Variants in KIF20B observed in about 807,000 individuals in gnomAD.
The protein encoded by KIF20B is kinesin family member 20B.
KIF20B carries 188 observed loss-of-function variants against 232.5 expected under a neutral mutation model. That is an observed-to-expected ratio of 0.81 (90% CI 0.72 to 0.91). KIF20B has a LOEUF of 0.91. Ranked by LOEUF, KIF20B falls within the 40% of genes least tolerant of loss-of-function variation. The pLI is 0.00. For synonymous variants in KIF20B, 712 were observed against 683.0 expected, an observed-to-expected ratio of 1.04 and a Z score of -0.66; for missense variants, 2,154 against 2,055.9, an observed-to-expected ratio of 1.05 and a Z score of -0.92.
chr10:89,724,488 C>T (rs1182880670), intron 14 of KIF20B, among the ~76,000 whole-genome samples: 4 of 152,202 alleles, frequency 2.6e-5, no homozygotes, highest in African/African-American at 9.6e-5. Flanking sequence ...GAGATTGTGT[C>T]ACTGCACTCC....
intron 26 of KIF20B, among the ~76,000 whole-genome samples, chr10:89,756,428 T>C (rs965235496): frequency 1.4e-4 from 22 of 152,190 alleles, no homozygotes; most frequent in African/African-American, 5.3e-4. Context: ...TTTGAATTTT[T>C]AATCCTAGGG....
rs778153285 is a variant in KIF20B at position 89,723,991 on chromosome 10, A to G, written c.1750A>G (p.Lys584Glu). The G allele has an allele frequency of 7.0e-6, 11 of 1,564,414 alleles. No homozygotes were observed. Among genetic ancestry groups the G allele is most frequent in the South Asian group, 1.2e-5 (1 of 81,888 alleles). The change falls in exon 14 of 33, where the codon AAA becomes GAA. Residue 584 changes from lysine to glutamate, a missense_variant. Transcript: ENST00000371728. ...ACTGTTGGACTTAATAGAAGACTTG[A>G]AAAAAAAACTGATAAATGAAAAAAA... ...RKLLDLIEDL[K>E]KKLINEKKEK...
At position 89,728,408 on chromosome 10, in the gene KIF20B, T is replaced by TA. The variant is rs1239102114; in HGVS notation, c.2271+513dup. 2.6e-5 allele frequency among the ~76,000 whole-genome samples: 4 copies of TA among 152,244 alleles called. No individual in the cohort carries two copies. In the East Asian group the frequency reaches 7.7e-4, roughly 29 times the overall value. ...TTTATGTATGTATTTATAGAACACT[T>TA]ACCATTTACCAGATACTCCTTCAAG... On this transcript the variant is annotated intron_variant, in intron 17 of 32. Transcript: ENST00000371728.
At position 89,746,004 on chromosome 10, in the gene KIF20B, T is replaced by C. The variant is rs764006516; in HGVS notation, c.4096+45T>C. Reference sequence around the variant, plus strand: ...TTCTGGAACCAGAAAAGTTCTCTTATTCCCCTCGCAGGGCATGCGATGGGG... The same window carrying C: ...TTCTGGAACCAGAAAAGTTCTCTTACTCCCCTCGCAGGGCATGCGATGGGG... On this transcript the variant is annotated intron_variant, in intron 23 of 32. Coordinates refer to ENST00000371728, the MANE Select transcript of KIF20B (RefSeq NM_001284259.2). The C allele has an allele frequency of 1.0e-5, 15 of 1,437,530 alleles. No individual in the cohort carries two copies. The Admixed American group carries it at 1.3e-4, about 13-fold the overall frequency. 89.0% of individuals were successfully genotyped at this position (1,437,530 alleles called of 1,614,324 possible).
intron 7 of KIF20B, 90 bp from the exon 8 acceptor site, chr10:89,714,865 T>C (rs2133091503): frequency 1.2e-6 from 1 of 806,264 alleles, no homozygotes; most frequent in East Asian, 2.6e-5. Context: ...TACTTGGTTT[T>C]TCAAGTGTGA....
At position 89,738,540 on chromosome 10, in the gene KIF20B, A is replaced by G; in HGVS notation, c.3699A>G (p.Thr1233=). The G allele has an allele frequency of 6.3e-7, 1 of 1,594,972 alleles. No homozygotes were observed. The highest frequency in any genetic ancestry group is 8.5e-7 in the Non-Finnish European group (1 of 1,173,224). ...LKLKEEITQL[T]NNLQDMKHLL... is the part of the protein sequence containing the mutation. ...TGAAAGAAGAAATCACACAGTTAAC[A>G]AATAATTTGCAAGATATGAAACATT... is the stretch of plus-strand genomic sequence containing the variant. The change falls in exon 20 of 33, where the codon ACA becomes ACG. Residue 1233 remains threonine (T), a synonymous_variant. Coordinates refer to ENST00000371728, the MANE Select transcript of KIF20B (RefSeq NM_001284259.2).
intron 25 of KIF20B, among the ~76,000 whole-genome samples, chr10:89,753,746 G>A (rs1051234978): frequency 2.0e-5 from 3 of 151,902 alleles, no homozygotes; most frequent in Non-Finnish European, 4.4e-5. Context: ...TCAGCCTCCC[G>A]AGTAGCTGGG....
Position 89,739,099 on chromosome 10 carries a change from A to G in KIF20B, c.3915+3A>G. 1 of 1,610,204 alleles carries G rather than the reference A, an allele frequency of 6.2e-7. No homozygotes were observed. The highest frequency in any genetic ancestry group is 8.5e-7 in the Non-Finnish European group (1 of 1,178,840). Reference sequence around the variant, plus strand: ...AGATTAAGCAAGTACAGAAAGAGGTAGGTTATTTGAAAAGTTATGTGGCCA... The same window carrying G: ...AGATTAAGCAAGTACAGAAAGAGGTGGGTTATTTGAAAAGTTATGTGGCCA... On this transcript the variant is annotated splice_donor_region_variant and intron_variant, in intron 21 of 32. Transcript: ENST00000371728.
At chr10:89,720,910 A>T (rs911616469) in intron 13 of KIF20B, among the ~76,000 whole-genome samples, 9 of 152,080 alleles carry the variant, frequency 5.9e-5, no homozygotes, top group Admixed American at 5.9e-4. Flanking sequence ...GGGTTTCACC[A>T]TGTTGGCCAG....
At chr10:89,714,347 C>T (rs190696579) in intron 7 of KIF20B, among the ~76,000 whole-genome samples, 25 of 152,074 alleles carry the variant, frequency 1.6e-4, no homozygotes, top group African/African-American at 5.5e-4. Context: ...GGCGTGGTGG[C>T]GCGGGCCTGT....
chr10:89,745,015 T>A (rs1044291247), intron 22 of KIF20B, among the ~76,000 whole-genome samples: 1 of 152,224 alleles, frequency 6.6e-6, no homozygotes, highest in African/African-American at 2.4e-5. Flanking sequence ...TTTTCCAATC[T>A]TGCAGCTACT....
intron 29 of KIF20B, among the ~76,000 whole-genome samples, chr10:89,766,819 T>C (rs1842371091): frequency 1.3e-5 from 2 of 152,048 alleles, no homozygotes; most frequent in African/African-American, 4.8e-5. Context: ...TAGAGATTGT[T>C]TTATGGAGTC....
intron 21 of KIF20B, 64 bp from the exon 22 acceptor site, chr10:89,743,743 TA>T (rs898126236): frequency 4.6e-4 from 520 of 1,121,974 alleles, no homozygotes; most frequent in Admixed American, 9.2e-4. Context: ...CCATGAATCT[TA>T]AATAACAAAA....
intron 1 of KIF20B, among the ~76,000 whole-genome samples, chr10:89,704,678 C>T (rs1241689496): frequency 1.3e-5 from 2 of 152,082 alleles, no homozygotes; most frequent in East Asian, 3.9e-4. Flanking sequence ...GCTTCAGCCT[C>T]CCGAGTAGCT....
At chr10:89,772,178 A>G (rs975488713) in intron 31 of KIF20B, among the ~76,000 whole-genome samples, 3 of 152,096 alleles carry the variant, frequency 2.0e-5, no homozygotes, top group African/African-American at 7.2e-5. Context: ...AAAAATTCCT[A>G]TTCTACTTCC....
At chr10:89,754,405 CATT>C in intron 25 of KIF20B, 110 bp from the exon 26 acceptor site, 1 of 528,306 alleles carries the variant, frequency 1.9e-6, no homozygotes, top group Non-Finnish European at 3.0e-6. Flanking sequence ...TAAAGTGAAA[CATT>C]AAAGTTTTTA....
At chr10:89,737,351 T>C (rs1841679833) in intron 19 of KIF20B, 36 bp from the exon 20 acceptor site, 2 of 1,437,700 alleles carry the variant, frequency 1.4e-6, no homozygotes. Context: ...TTTATTAAGG[T>C]TTGCCAGATT....
At chr10:89,742,102 A>C (rs1259506042) in intron 21 of KIF20B, among the ~76,000 whole-genome samples, 1 of 152,224 alleles carries the variant, frequency 6.6e-6, no homozygotes, top group Non-Finnish European at 1.5e-5. Flanking sequence ...TGGTAAGAAC[A>C]AATCTTCCAT....
chr10:89,753,860 C>A (rs12263925), intron 25 of KIF20B, among the ~76,000 whole-genome samples: 2 of 152,070 alleles, frequency 1.3e-5, no homozygotes, highest in African/African-American at 4.8e-5. Flanking sequence ...CCTCGTGATC[C>A]GCCCACCTTG....
Sources: gnomAD v4.1 joint callset for allele counts (sites outside exome capture counted in the v4.1 genomes callset) on GRCh38, gnomAD v4.1.1 for gene constraint, MANE v1.5 for transcripts, NCBI Gene and HGNC (gene_info 2026-07-23, HGNC 2026-07-21) for gene names.